The following DCC variants were observed in gnomAD, a reference collection of about 807,000 sequenced individuals.
DCC encodes DCC netrin 1 receptor, also known as netrin receptor DCC.
Under a neutral mutation model 172.5 loss-of-function variants are expected in DCC, and 58 were observed. The ratio of observed to expected loss-of-function variants is 0.34; its 90% CI spans 0.27 to 0.42. The LOEUF is 0.42. DCC is among the 10% of genes least tolerant of loss of function. The pLI is 1.00. For missense variants in DCC, 1,740 were observed against 1,791.0 expected, an observed-to-expected ratio of 0.97 and a Z score of 0.51; for synonymous variants, 709 against 644.5, an observed-to-expected ratio of 1.10 and a Z score of -1.52.
intron 25 of DCC, among the ~76,000 whole-genome samples, chr18:53,478,530 C>T (rs2045794194): frequency 6.6e-6 from 1 of 152,150 alleles, no homozygotes; most frequent in South Asian, 2.1e-4. Context: ...ATATTTGTCA[C>T]TTACCTTTCT....
At chr18:52,942,309 C>T (rs1206279253) in intron 5 of DCC, among the ~76,000 whole-genome samples, 1 of 152,144 alleles carries the variant, frequency 6.6e-6, no homozygotes, top group Non-Finnish European at 1.5e-5. Flanking sequence ...TTGTTCAACT[C>T]ATGAAGTAAC....
intron 1 of DCC, among the ~76,000 whole-genome samples, chr18:52,570,125 C>G (rs1230805277): frequency 6.6e-6 from 1 of 152,116 alleles, no homozygotes; most frequent in Non-Finnish European, 1.5e-5. Context: ...TTATTAAGCG[C>G]ATTTTATTTA....
At chr18:52,661,969 TA>T (rs1238682240) in intron 1 of DCC, among the ~76,000 whole-genome samples, 1 of 152,080 alleles carries the variant, frequency 6.6e-6, no homozygotes, top group East Asian at 1.9e-4. Context: ...ATAGAAGGAA[TA>T]AAAAACACAG....
At chr18:52,486,205 A>C (rs2030214502) in intron 1 of DCC, among the ~76,000 whole-genome samples, 1 of 152,142 alleles carries the variant, frequency 6.6e-6, no homozygotes, top group South Asian at 2.1e-4. Flanking sequence ...AGTGAGCATC[A>C]GTATCACCTG....
At chr18:52,395,480 C>G (rs539315262) in intron 1 of DCC, among the ~76,000 whole-genome samples, 1 of 151,864 alleles carries the variant, frequency 6.6e-6, no homozygotes, top group Non-Finnish European at 1.5e-5. Context: ...TAAACAGCTT[C>G]GGGGTTGGTA....
At chr18:52,667,594 A>G (rs192680221) in intron 1 of DCC, among the ~76,000 whole-genome samples, 1 of 152,278 alleles carries the variant, frequency 6.6e-6, no homozygotes, top group Admixed American at 6.5e-5. Context: ...TTTATCCATG[A>G]CAGCTTTAGA....
intron 12 of DCC, among the ~76,000 whole-genome samples, chr18:53,302,332 C>T (rs1285073120): frequency 6.6e-6 from 1 of 151,958 alleles, no homozygotes; most frequent in South Asian, 2.1e-4. Flanking sequence ...TTTCCATCAC[C>T]CCAAAAAGTC....
chr18:52,736,331 A>G (rs972501799), intron 1 of DCC, among the ~76,000 whole-genome samples: 3 of 152,034 alleles, frequency 2.0e-5, no homozygotes, highest in African/African-American at 7.2e-5. Context: ...GCTACAACAC[A>G]AACCCTCAGC....
At chr18:53,378,189 G>A (rs1025289498) in intron 15 of DCC, among the ~76,000 whole-genome samples, 1 of 151,982 alleles carries the variant, frequency 6.6e-6, no homozygotes, top group Non-Finnish European at 1.5e-5. Context: ...TCGAACTCCT[G>A]GCCTCAGGTT....
chr18:52,752,962 T>TTG (rs757514466), intron 2 of DCC, among the ~76,000 whole-genome samples: 4 of 151,630 alleles, frequency 2.6e-5, no homozygotes, highest in South Asian at 2.1e-4. Flanking sequence ...TAGTATTCCA[T>TTG]TGTGTGTGTG....
chr18:52,581,606 C>T (rs950479367), intron 1 of DCC, among the ~76,000 whole-genome samples: 2 of 151,994 alleles, frequency 1.3e-5, no homozygotes, highest in African/African-American at 4.8e-5. Context: ...ATACATGTCA[C>T]TTTTTCTTTT....
intron 12 of DCC, among the ~76,000 whole-genome samples, chr18:53,278,403 T>C (rs933185132): frequency 2.6e-5 from 4 of 152,126 alleles, no homozygotes; most frequent in Non-Finnish European, 5.9e-5. Context: ...AATGTGAACT[T>C]GGCCCACCAT....
chr18:53,347,026 G>A (rs1260547595), intron 15 of DCC, among the ~76,000 whole-genome samples: 1 of 152,186 alleles, frequency 6.6e-6, no homozygotes, highest in Non-Finnish European at 1.5e-5. Context: ...TTGCTCTGCT[G>A]TTAGTGTTTA....
intron 1 of DCC, among the ~76,000 whole-genome samples, chr18:52,475,431 G>A (rs1279364231): frequency 6.6e-6 from 1 of 152,064 alleles, no homozygotes; most frequent in Non-Finnish European, 1.5e-5. Flanking sequence ...GATAAAAAAT[G>A]TGATATTTAT....
At chr18:52,435,199 C>T (rs1987751126) in intron 1 of DCC, among the ~76,000 whole-genome samples, 1 of 152,136 alleles carries the variant, frequency 6.6e-6, no homozygotes, top group Non-Finnish European at 1.5e-5. Flanking sequence ...CAGGCCTTTG[C>T]CATTTATAAT....
At chr18:52,979,072 TATCTC>T (rs1256855751) in intron 5 of DCC, among the ~76,000 whole-genome samples, 10 of 152,004 alleles carry the variant, frequency 6.6e-5, no homozygotes, top group Admixed American at 2.6e-4. Context: ...TTTTAAAAAA[TATCTC>T]ATGTGTGAAG....
At chr18:52,636,157 A>AT (rs768610165) in intron 1 of DCC, among the ~76,000 whole-genome samples, 2 of 152,310 alleles carry the variant, frequency 1.3e-5, no homozygotes, top group Middle Eastern at 3.4e-3. Context: ...GCCAAGGGAA[A>AT]TACAGAGGTA....
At chr18:52,649,844 T>C (rs2035094294) in intron 1 of DCC, among the ~76,000 whole-genome samples, 1 of 152,228 alleles carries the variant, frequency 6.6e-6, no homozygotes, top group Non-Finnish European at 1.5e-5. Context: ...CTTAGGTTTA[T>C]TCCATGTCTT....
At chr18:53,414,683 C>G (rs943548764) in intron 20 of DCC, among the ~76,000 whole-genome samples, 1 of 151,894 alleles carries the variant, frequency 6.6e-6, no homozygotes, top group East Asian at 1.9e-4. Context: ...CACATCTCTA[C>G]TAAAAATACA....
Sources: allele counts gnomAD v4.1 joint callset (sites outside exome capture counted in the v4.1 genomes callset), GRCh38; gene constraint gnomAD v4.1.1; transcripts MANE v1.5; gene names NCBI Gene and HGNC (gene_info 2026-07-23, HGNC 2026-07-21).